Variants in CAPRIN1 observed in about 807,000 individuals in gnomAD.
CAPRIN1 encodes the protein cell cycle associated protein 1.
Under a neutral mutation model 100.9 loss-of-function variants are expected in CAPRIN1, and 29 were observed. The ratio of observed to expected loss-of-function variants is 0.29; its 90% CI spans 0.21 to 0.39. The LOEUF (loss-of-function observed/expected upper bound fraction) is 0.39. CAPRIN1 is among the 10% of genes least tolerant of loss of function. The pLI is 1.00. For missense variants in CAPRIN1, 795 were observed against 876.7 expected, an observed-to-expected ratio of 0.91 and a Z score of 1.18; for synonymous variants, 338 against 307.5, an observed-to-expected ratio of 1.10 and a Z score of -1.04.
intron 4 of CAPRIN1, among the ~76,000 whole-genome samples, chr11:34,072,332 C>A (rs79838933): frequency 1.4e-3 from 203 of 145,834 alleles, no homozygotes; most frequent in African/African-American, 4.8e-3. Context: ...AAAAAAAAAA[C>A]ATTAAATTTA....
chr11:34,054,730 T>TA (rs1850411839), intron 2 of CAPRIN1, among the ~76,000 whole-genome samples: 1 of 152,206 alleles, frequency 6.6e-6, no homozygotes, highest in African/African-American at 2.4e-5. Context: ...GGCCTCTTTT[T>TA]AAAATTTTAA....
At chr11:34,097,558 A>G (rs776752666) in intron 17 of CAPRIN1, 140 bp from the exon 18 acceptor site, 29 of 843,490 alleles carry the variant, frequency 3.4e-5, no homozygotes, top group Non-Finnish European at 5.3e-5. Context: ...ATTACAGAAC[A>G]AGGTGTAGCT....
chr11:34,085,798 C>T (rs935205979), intron 9 of CAPRIN1, among the ~76,000 whole-genome samples: 2 of 151,754 alleles, frequency 1.3e-5, no homozygotes, highest in Non-Finnish European at 1.5e-5. Flanking sequence ...AGCTAGATTC[C>T]GTCTCGAAAG....
intron 4 of CAPRIN1, among the ~76,000 whole-genome samples, chr11:34,073,508 T>C (rs1327789030): frequency 6.6e-6 from 1 of 152,156 alleles, no homozygotes; most frequent in East Asian, 1.9e-4. Context: ...CAGGCTGGAG[T>C]GCAGTGCCGC....
intron 1 of CAPRIN1, 123 bp from the exon 2 acceptor site, chr11:34,052,298 C>T (rs1481145905): frequency 9.6e-6 from 8 of 836,330 alleles, no homozygotes; most frequent in Admixed American, 2.8e-5. Flanking sequence ...GCCCCCTCCC[C>T]CACCCGCTCG....
At chr11:34,062,459 A>T (rs960767705) in intron 2 of CAPRIN1, among the ~76,000 whole-genome samples, 6 of 152,026 alleles carry the variant, frequency 3.9e-5, no homozygotes, top group African/African-American at 1.4e-4. Context: ...CCCCGTCTCT[A>T]CTAAAAATAA....
At chr11:34,094,151 A>G (rs1227326321) in intron 15 of CAPRIN1, among the ~76,000 whole-genome samples, 5 of 151,958 alleles carry the variant, frequency 3.3e-5, no homozygotes, top group Admixed American at 6.6e-5. Context: ...CCAGGCGTTC[A>G]TGATGAAATA....
intron 9 of CAPRIN1, 149 bp from the exon 10 acceptor site, chr11:34,085,915 C>A: frequency 3.3e-6 from 2 of 608,316 alleles, no homozygotes; most frequent in South Asian, 2.2e-5. Flanking sequence ...TTAAATTTGG[C>A]ATAAATGTAA....
Position 34,079,712 on chromosome 11 carries a change from A to T in CAPRIN1, c.773A>T (p.Glu258Val). ...CACAACCACCAGAATGGGCTGTGTG[A>T]GGAAGAAGAGGCAGCCTCAGCACCT... ...STHNHQNGLC[E>V]EEEAASAPAV... The change falls in exon 7 of 19, where the codon GAG becomes GTG. Residue 258 changes from glutamate to valine, a missense_variant. Transcript: ENST00000341394. 6.2e-7 allele frequency: 1 copy of T among 1,614,134 alleles called. No homozygotes were observed. The highest frequency in any genetic ancestry group is 8.5e-7 in the Non-Finnish European group (1 of 1,179,990).
chr11:34,071,190 A>C (rs1275734836), intron 2 of CAPRIN1, among the ~76,000 whole-genome samples: 1 of 152,226 alleles, frequency 6.6e-6, no homozygotes, highest in Non-Finnish European at 1.5e-5. Flanking sequence ...ATTAAGCTAA[A>C]GAATGAATAA....
At chr11:34,072,057 A>G (rs965305368) in intron 4 of CAPRIN1, 70 bp downstream of exon 4, 2 of 957,970 alleles carry the variant, frequency 2.1e-6, no homozygotes, top group Non-Finnish European at 3.2e-6. Context: ...TCCTTCCATT[A>G]CTATTGATAA....
intron 2 of CAPRIN1, among the ~76,000 whole-genome samples, chr11:34,058,147 T>A (rs969063149): frequency 4.6e-5 from 7 of 152,058 alleles, no homozygotes; most frequent in African/African-American, 1.7e-4. Context: ...TTCTCGCAGT[T>A]TTTTTTGAAA....
intron 2 of CAPRIN1, among the ~76,000 whole-genome samples, chr11:34,066,723 C>T (rs2134097190): frequency 6.6e-6 from 1 of 151,908 alleles, no homozygotes. Context: ...TGGCTCACTG[C>T]AACCTCCACC....
intron 15 of CAPRIN1, 118 bp downstream of exon 15, chr11:34,092,174 C>A: frequency 1.2e-6 from 1 of 852,876 alleles, no homozygotes; most frequent in Non-Finnish European, 1.7e-6. Context: ...TAGTAGCAGA[C>A]CATATGAATT....
Position 34,076,590 on chromosome 11 carries a change from T to C in CAPRIN1, c.636T>C (p.Ile212=). 1 of 1,614,090 alleles carries C rather than the reference T, an allele frequency of 6.2e-7. No individual in the cohort carries two copies. Among genetic ancestry groups the C allele is most frequent in the African/African-American group, 1.3e-5 (1 of 75,052 alleles). ...ATGAACAGTATGAACATGCCTCCAT[T>C]CACCTGTGGGACCTGCTGGAAGGGA... ...RLNEQYEHAS[I]HLWDLLEGKE... Residue 212 remains isoleucine, a synonymous_variant, in exon 6 of 19, where the codon ATT becomes ATC. Coordinates refer to ENST00000341394, the MANE Select transcript of CAPRIN1 (RefSeq NM_005898.5).
chr11:34,076,720 T>C, intron 6 of CAPRIN1, 78 bp downstream of exon 6: 1 of 1,026,344 alleles, frequency 9.7e-7, no homozygotes, highest in Non-Finnish European at 1.5e-6. Flanking sequence ...ATAGTTCACT[T>C]GGAAGAAAAA....
intron 11 of CAPRIN1, among the ~76,000 whole-genome samples, chr11:34,087,171 G>T (rs1444504999): frequency 6.6e-6 from 1 of 152,086 alleles, no homozygotes; most frequent in Admixed American, 6.6e-5. Flanking sequence ...ATCAGTTTTA[G>T]TTGCACAAAA....
intron 17 of CAPRIN1, 31 bp downstream of exon 17, chr11:34,097,327 G>T: frequency 6.9e-7 from 1 of 1,455,934 alleles, no homozygotes; most frequent in South Asian, 1.1e-5. Flanking sequence ...GTGTAAACCT[G>T]AACTAAATAT....
At position 34,087,329 on chromosome 11, in the gene CAPRIN1, ATTTTTTTTTTT is replaced by A. The variant is rs5790975; in HGVS notation, c.1231+928_1231+938del. ...AGTAAAGGGAGCTCATATCTCTCACATTTTTTTTTTTTTTTTTTTTTTGAGACGGAGTCTCG... is the reference window on the plus strand; with the variant it reads ...AGTAAAGGGAGCTCATATCTCTCACATTTTTTTTTTTGAGACGGAGTCTCG... On this transcript the variant is annotated intron_variant, in intron 11 of 18. Transcript: ENST00000341394. Among the ~76,000 whole-genome samples, 5 of 96,574 alleles carry A rather than the reference ATTTTTTTTTTT, an allele frequency of 5.2e-5. No individual in the cohort carries two copies. The South Asian group carries it at 1.6e-3, about 30-fold the overall frequency. 63.4% of individuals were successfully genotyped at this position (96,574 alleles called of 152,430 possible).
Sources: gnomAD v4.1 joint callset for allele counts (sites outside exome capture counted in the v4.1 genomes callset) on GRCh38, gnomAD v4.1.1 for gene constraint, MANE v1.5 for transcripts, NCBI Gene and HGNC (gene_info 2026-07-23, HGNC 2026-07-21) for gene names.